The following CNTNAP2 variants were observed in gnomAD, a reference collection of about 807,000 sequenced individuals.
The protein encoded by CNTNAP2 is contactin associated protein 2, also known as contactin-associated protein-like 2.
CNTNAP2 carries 98 observed loss-of-function variants against 155.2 expected under a neutral mutation model. The ratio of observed to expected loss-of-function variants is 0.63; its 90% CI spans 0.54 to 0.75. The LOEUF is 0.75. CNTNAP2 is among the 30% of genes least tolerant of loss of function. CNTNAP2 has a pLI of 0.00. For synonymous variants in CNTNAP2, 651 were observed against 631.2 expected (o/e 1.03, Z -0.47); for missense variants, 1,727 against 1,688.1 (o/e 1.02, Z -0.40).
At chr7:147,832,834 A>C (rs1222502563) in intron 13 of CNTNAP2, among the ~76,000 whole-genome samples, 1 of 57,412 alleles carries the variant, frequency 1.7e-5, no homozygotes, top group East Asian at 3.4e-4. Flanking sequence ...TATTTATTCT[A>C]TAATATAGAT....
At chr7:146,780,504 T>A (rs1802466998) in intron 2 of CNTNAP2, among the ~76,000 whole-genome samples, 1 of 152,166 alleles carries the variant, frequency 6.6e-6, no homozygotes, top group African/African-American at 2.4e-5. Flanking sequence ...CCTGACTTTT[T>A]AATGATCACC....
chr7:146,270,759 G>T (rs1800068824), intron 1 of CNTNAP2, among the ~76,000 whole-genome samples: 1 of 151,956 alleles, frequency 6.6e-6, no homozygotes. Flanking sequence ...ATAATGTTCT[G>T]ACTAAATTAT....
At chr7:147,712,201 A>T (rs1011630878) in intron 13 of CNTNAP2, among the ~76,000 whole-genome samples, 7 of 152,182 alleles carry the variant, frequency 4.6e-5, no homozygotes, top group African/African-American at 1.7e-4. Flanking sequence ...ATGAGATACC[A>T]TCTCACACCA....
At chr7:147,502,427 C>T (rs572469484) in intron 11 of CNTNAP2, among the ~76,000 whole-genome samples, 108 of 133,940 alleles carry the variant, frequency 8.1e-4, no homozygotes, top group Non-Finnish European at 1.5e-3. Flanking sequence ...ATATAGGGAA[C>T]CTAAAAAAAA....
chr7:147,403,144 C>T (rs1796947043), intron 10 of CNTNAP2, among the ~76,000 whole-genome samples: 1 of 152,120 alleles, frequency 6.6e-6, no homozygotes, highest in African/African-American at 2.4e-5. Context: ...TTATCCTAAC[C>T]CAGACATTCC....
chr7:146,898,685 A>G (rs953330898), intron 3 of CNTNAP2, among the ~76,000 whole-genome samples: 8 of 152,076 alleles, frequency 5.3e-5, no homozygotes, highest in Admixed American at 1.3e-4. Flanking sequence ...ATCTCCAAAG[A>G]TGGCCTCAGT....
At chr7:146,289,407 CAA>C (rs1376989551) in intron 1 of CNTNAP2, among the ~76,000 whole-genome samples, 2 of 152,142 alleles carry the variant, frequency 1.3e-5, no homozygotes, top group East Asian at 3.9e-4. Flanking sequence ...AATTAACAGA[CAA>C]TGAAAATATT....
At chr7:147,263,348 G>A (rs1474473077) in intron 8 of CNTNAP2, among the ~76,000 whole-genome samples, 1 of 148,638 alleles carries the variant, frequency 6.7e-6, no homozygotes. Flanking sequence ...GTGACAGAGG[G>A]AGACCCTGCC....
At chr7:147,894,456 T>C (rs907479617) in intron 13 of CNTNAP2, among the ~76,000 whole-genome samples, 5 of 152,104 alleles carry the variant, frequency 3.3e-5, no homozygotes, top group African/African-American at 4.8e-5. Context: ...GCCAATGAGC[T>C]GCCGGCAGGG....
intron 1 of CNTNAP2, among the ~76,000 whole-genome samples, chr7:146,684,772 T>C (rs1800567432): frequency 6.6e-6 from 1 of 151,228 alleles, no homozygotes; most frequent in Non-Finnish European, 1.5e-5. Flanking sequence ...AGAACACCAA[T>C]GTCCCTACCG....
chr7:146,579,550 C>T (rs1210885065), intron 1 of CNTNAP2, among the ~76,000 whole-genome samples: 1 of 152,040 alleles, frequency 6.6e-6, no homozygotes, highest in Admixed American at 6.6e-5. Flanking sequence ...AGACTGTTAA[C>T]CTTCACTTAA....
At chr7:147,531,325 C>A (rs1426938219) in intron 11 of CNTNAP2, among the ~76,000 whole-genome samples, 2 of 152,232 alleles carry the variant, frequency 1.3e-5, no homozygotes, top group African/African-American at 4.8e-5. Flanking sequence ...TTCCCTTCCT[C>A]ACTGCCCTAG....
intron 1 of CNTNAP2, among the ~76,000 whole-genome samples, chr7:146,245,356 G>A (rs867446371): frequency 2.0e-4 from 31 of 152,044 alleles, no homozygotes; most frequent in Middle Eastern, 6.8e-3. Context: ...AAGTATATGC[G>A]TCAGCTATGA....
chr7:146,994,055 T>C (rs1177619226), intron 3 of CNTNAP2, among the ~76,000 whole-genome samples: 1 of 152,146 alleles, frequency 6.6e-6, no homozygotes, highest in African/African-American at 2.4e-5. Context: ...GTGGGTGGGG[T>C]ACTCACTTTC....
At chr7:148,008,317 A>G (rs540399506) in intron 15 of CNTNAP2, among the ~76,000 whole-genome samples, 1 of 152,324 alleles carries the variant, frequency 6.6e-6, no homozygotes, top group South Asian at 2.1e-4. Flanking sequence ...GGTTGCAGTG[A>G]GTGGAGATCA....
At chr7:146,951,516 T>C (rs1797312934) in intron 3 of CNTNAP2, among the ~76,000 whole-genome samples, 1 of 152,202 alleles carries the variant, frequency 6.6e-6, no homozygotes, top group Admixed American at 6.5e-5. Context: ...TGCATATGGC[T>C]AGCTAATTTT....
chr7:147,415,156 A>G (rs1347377301), intron 10 of CNTNAP2, among the ~76,000 whole-genome samples: 1 of 152,010 alleles, frequency 6.6e-6, no homozygotes, highest in East Asian at 1.9e-4. Flanking sequence ...TTCAGGTGGG[A>G]GCATACAATT....
chr7:147,461,692 TTTTG>T (rs1416087099), intron 10 of CNTNAP2, among the ~76,000 whole-genome samples: 3 of 152,200 alleles, frequency 2.0e-5, no homozygotes, highest in South Asian at 4.1e-4. Flanking sequence ...TTACCATGTT[TTTTG>T]TTTGTTTGTT....
chr7:146,539,780 G>A (rs1526164), intron 1 of CNTNAP2, among the ~76,000 whole-genome samples: 23,577 of 152,038 alleles, frequency 0.16, 2,763 homozygotes, highest in African/African-American at 0.33. Flanking sequence ...TTATAGACGT[G>A]TTCTCTTTTT....
Sources: allele counts gnomAD v4.1 joint callset (sites outside exome capture counted in the v4.1 genomes callset), GRCh38; gene constraint gnomAD v4.1.1; transcripts MANE v1.5; gene names NCBI Gene and HGNC (gene_info 2026-07-23, HGNC 2026-07-21).